Variants in NR3C1 observed in about 807,000 individuals in gnomAD.
NR3C1 encodes the protein nuclear receptor subfamily 3 group C member 1, also known as glucocorticoid receptor.
A neutral mutation model predicts 74.0 loss-of-function variants in NR3C1; 14 were observed. The ratio of observed to expected loss-of-function variants is 0.19; its 90% CI spans 0.12 to 0.30. The LOEUF is 0.30. Ranked by LOEUF, NR3C1 falls within the 10% of genes least tolerant of loss-of-function variation. The pLI is 1.00. For synonymous variants in NR3C1, 308 were observed against 332.5 expected (o/e 0.93, Z 0.80); for missense variants, 695 against 909.8 (o/e 0.76, Z 3.04).
At chr5:143,407,380 C>T (rs908856817), upstream of NR3C1, 4 of 152,170 alleles carry the variant, frequency 2.6e-5, no homozygotes, top group South Asian at 8.3e-4. Context: ...TCTGAGTGCT[C>T]CCCCCACTTT....
intron 1 of NR3C1, among the ~76,000 whole-genome samples, chr5:143,428,234 G>A (rs1051714304): frequency 6.6e-6 from 1 of 152,110 alleles, no homozygotes; most frequent in South Asian, 2.1e-4. Context: ...CTGCCTCCTG[G>A]TCTTTCCCTG....
chr5:143,429,408 C>A (rs964337972), intron 1 of NR3C1, among the ~76,000 whole-genome samples: 3 of 152,170 alleles, frequency 2.0e-5, no homozygotes, highest in African/African-American at 7.2e-5. Flanking sequence ...TGGTGAGTAT[C>A]TTCATTTTCC....
At chr5:143,316,400 T>C (rs1298905867) in intron 2 of NR3C1, among the ~76,000 whole-genome samples, 1 of 152,238 alleles carries the variant, frequency 6.6e-6, no homozygotes, top group African/African-American at 2.4e-5. Flanking sequence ...TATTCTGTAA[T>C]GTTTACCCCA....
intron 2 of NR3C1, among the ~76,000 whole-genome samples, chr5:143,391,128 G>GTT (rs1838153748): frequency 6.6e-6 from 1 of 152,068 alleles, no homozygotes; most frequent in South Asian, 2.1e-4. Flanking sequence ...TTCACATAAT[G>GTT]TTCTGATTAA....
intron 2 of NR3C1, among the ~76,000 whole-genome samples, chr5:143,347,537 AG>A (rs1829525365): frequency 6.6e-6 from 1 of 152,200 alleles, no homozygotes; most frequent in African/African-American, 2.4e-5. Flanking sequence ...AGGGATAGAG[AG>A]TGACTTTCTG....
intron 2 of NR3C1, among the ~76,000 whole-genome samples, chr5:143,358,728 C>A (rs1831638605): frequency 6.6e-6 from 1 of 151,684 alleles, no homozygotes; most frequent in African/African-American, 2.4e-5. Context: ...ATGGAGAAAC[C>A]CCGTCTCTAC....
At chr5:143,397,149 A>G (rs1839374851) in intron 2 of NR3C1, among the ~76,000 whole-genome samples, 1 of 151,824 alleles carries the variant, frequency 6.6e-6, no homozygotes, top group Non-Finnish European at 1.5e-5. Context: ...GCCTCTTCCC[A>G]CCCCCAGAGA....
intron 2 of NR3C1, among the ~76,000 whole-genome samples, chr5:143,384,662 C>T (rs183030966): frequency 9.8e-5 from 15 of 152,330 alleles, no homozygotes; most frequent in Non-Finnish European, 2.2e-4. Flanking sequence ...GTCTCATGTC[C>T]AAGCCACGCT....
At chr5:143,310,646 TTA>T (rs1437882847) in intron 3 of NR3C1, among the ~76,000 whole-genome samples, 1 of 152,030 alleles carries the variant, frequency 6.6e-6, no homozygotes, top group African/African-American at 2.4e-5. Context: ...GTTTGATAGA[TTA>T]TGTTTTTTTA....
chr5:143,390,140 T>C (rs532885047), intron 2 of NR3C1: 1 of 154,766 alleles, frequency 6.5e-6, no homozygotes, highest in African/African-American at 2.4e-5. Context: ...CATTTTAACC[T>C]AGCATTTTTT....
At chr5:143,290,187 T>G (rs575430971) in intron 7 of NR3C1, among the ~76,000 whole-genome samples, 12 of 152,386 alleles carry the variant, frequency 7.9e-5, no homozygotes, top group African/African-American at 2.6e-4. Flanking sequence ...GGTAATAATG[T>G]AGCTCCTTCG....
In NR3C1 at chr5:143,280,291, A is replaced by G. The variant is rs1812898607; in HGVS notation, c.*1598T>C. ...CAATCATTTTAATAAATTGCATGTAAAGCTGCAGTAGCCCTTCCCTTCCCA... is the reference window on the plus strand; with the variant it reads ...CAATCATTTTAATAAATTGCATGTAGAGCTGCAGTAGCCCTTCCCTTCCCA... On this transcript the variant is annotated 3_prime_UTR_variant, in exon 9 of 9. Coordinates refer to ENST00000394464, the MANE Select transcript of NR3C1 (RefSeq NM_000176.3). 1 of 152,646 alleles carries G rather than the reference A, an allele frequency of 6.6e-6. No homozygotes were observed. The highest frequency in any genetic ancestry group is 6.5e-5 in the Admixed American group (1 of 15,270). The allele number at this position is 152,646 out of a possible 1,614,324, so 9.5% of individuals were successfully genotyped here.
At chr5:143,403,691 C>G (rs1840796997), upstream of NR3C1, 1 of 985,504 alleles carries the variant, frequency 1.0e-6, no homozygotes, top group Non-Finnish European at 1.2e-6. Context: ...GGCGGCGCCA[C>G]GGCGCGCACA....
At chr5:143,358,042 G>A (rs1831494164) in intron 2 of NR3C1, among the ~76,000 whole-genome samples, 2 of 152,204 alleles carry the variant, frequency 1.3e-5, no homozygotes, top group Non-Finnish European at 2.9e-5. Flanking sequence ...AAACAGAAAA[G>A]TTAAGATGCC....
chr5:143,405,368 T>G (rs1008625335), upstream of NR3C1: 3 of 984,980 alleles, frequency 3.0e-6, no homozygotes, highest in African/African-American at 1.7e-5. Context: ...CGGCTCCCCC[T>G]GCTCTGACAT....
At chr5:143,329,502 T>C (rs922892775) in intron 2 of NR3C1, among the ~76,000 whole-genome samples, 2 of 152,244 alleles carry the variant, frequency 1.3e-5, no homozygotes, top group African/African-American at 2.4e-5. Flanking sequence ...CACTATATTA[T>C]ACATTTATTA....
At chr5:143,402,535 A>C in intron 1 of NR3C1, 2 of 945,232 alleles carry the variant, frequency 2.1e-6, no homozygotes, top group Non-Finnish European at 2.5e-6. Context: ...GCTAAAGAGC[A>C]AGCCCTTGCG....
chr5:143,328,859 G>A (rs948478896), intron 2 of NR3C1, among the ~76,000 whole-genome samples: 4 of 152,120 alleles, frequency 2.6e-5, no homozygotes, highest in African/African-American at 4.8e-5. Flanking sequence ...CATTGTCCAC[G>A]TCACTATCAG....
At chr5:143,384,634 G>A (rs545901446) in intron 2 of NR3C1, among the ~76,000 whole-genome samples, 1 of 152,278 alleles carries the variant, frequency 6.6e-6, no homozygotes, top group East Asian at 1.9e-4. Flanking sequence ...AATCCAAAAT[G>A]ATCTCCTTTG....
Sources: gnomAD v4.1 joint callset for allele counts (sites outside exome capture counted in the v4.1 genomes callset) on GRCh38, gnomAD v4.1.1 for gene constraint, MANE v1.5 for transcripts, NCBI Gene and HGNC (gene_info 2026-07-23, HGNC 2026-07-21) for gene names.